The following LINGO1 variants were observed in gnomAD, a reference collection of about 807,000 sequenced individuals.
The protein encoded by LINGO1 is leucine rich repeat and Ig domain containing 1.
A neutral mutation model predicts 37.3 loss-of-function variants in LINGO1; 11 were observed. The ratio of observed to expected loss-of-function variants is 0.29; its 90% CI spans 0.19 to 0.49. The LOEUF (loss-of-function observed/expected upper bound fraction) is 0.49. Among genes scored for constraint, LINGO1 ranks in the 20% least tolerant of loss-of-function variants. The pLI is 0.99. For missense variants in LINGO1, 585 were observed against 878.2 expected, an observed-to-expected ratio of 0.67 and a Z score of 4.22; for synonymous variants, 387 against 403.0, an observed-to-expected ratio of 0.96 and a Z score of 0.48.
chr15:77,754,474 A>G (rs1292667250), intron 1 of LINGO1, among the ~76,000 whole-genome samples: 1 of 152,228 alleles, frequency 6.6e-6, no homozygotes, highest in Admixed American at 6.5e-5. Flanking sequence ...TCTGATTTGC[A>G]TGTATTGAGC....
intron 3 of LINGO1, among the ~76,000 whole-genome samples, chr15:77,649,499 A>T (rs2074711031): frequency 6.6e-6 from 1 of 152,218 alleles, no homozygotes; most frequent in Admixed American, 6.5e-5. Flanking sequence ...CAGCAAGGTC[A>T]TTTCCACCAG....
intron 2 of LINGO1, among the ~76,000 whole-genome samples, chr15:77,731,337 G>A (rs1037176725): frequency 1.3e-5 from 2 of 152,154 alleles, no homozygotes; most frequent in African/African-American, 2.4e-5. Context: ...GCACACAAAT[G>A]CACATGCACA....
chr15:77,652,530 G>GTGTGTGTGTGTGTGTGTGTT (rs1461851046), intron 3 of LINGO1, among the ~76,000 whole-genome samples: 37 of 144,872 alleles, frequency 2.6e-4, no homozygotes, highest in African/African-American at 9.7e-4. Context: ...GTGTGTGTGT[G>GTGTGTGTGTGTGTGTGTGTT]TTGCCAGAAT....
At chr15:77,721,125 T>C (rs2076045598) in intron 2 of LINGO1, among the ~76,000 whole-genome samples, 1 of 152,146 alleles carries the variant, frequency 6.6e-6, no homozygotes. Flanking sequence ...CGTTTCCTCC[T>C]GTGACAGCCA....
At position 77,734,089 on chromosome 15, in the gene LINGO1, C is replaced by T. The variant is rs965072175; in HGVS notation, c.-195+903G>A. ...ATCTCAGTTAACCCCTGCCCTGGGC[C>T]GTGCGGCAAGTTAGGCCAGGGCAGG... On this transcript the variant is annotated intron_variant, in intron 2 of 3. Coordinates refer to the LINGO1 transcript ENST00000561686. 3.3e-5 allele frequency among the ~76,000 whole-genome samples: 5 copies of T among 152,166 alleles called. No homozygotes were observed. In the East Asian group the frequency reaches 9.6e-4, roughly 29 times the overall value.
chr15:77,627,354 C>T (rs2074126121), intron 1 of LINGO1, among the ~76,000 whole-genome samples: 2 of 152,114 alleles, frequency 1.3e-5, no homozygotes, highest in Non-Finnish European at 2.9e-5. Context: ...TCCAAATTAG[C>T]CTGCCAGCAC....
In LINGO1 at chr15:77,614,401, C is replaced by A. The variant is rs374539140; in HGVS notation, c.1506G>T (p.Ala502=). ...NGTYLCIAAN[A]GGNDSMPAHL... The stretch of plus-strand genomic sequence containing the variant: ...GGGCGGGCATGGAGTCGTTGCCGCC[C>A]GCGTTGGCCGCGATGCACAGGTACG... The change falls in exon 2 of 2, where the codon GCG becomes GCT. Residue 502 remains alanine, a synonymous_variant. Transcript: ENST00000355300. 1 of 1,613,046 alleles carries A rather than the reference C, an allele frequency of 6.2e-7. No homozygotes were observed. The highest frequency in any genetic ancestry group is 8.5e-7 in the Non-Finnish European group (1 of 1,179,792).
At chr15:77,680,871 G>A (rs917699740) in intron 2 of LINGO1, among the ~76,000 whole-genome samples, 1 of 152,188 alleles carries the variant, frequency 6.6e-6, no homozygotes, top group Non-Finnish European at 1.5e-5. Context: ...ACTTACTGGT[G>A]TTTTACTTTG....
intron 3 of LINGO1, among the ~76,000 whole-genome samples, chr15:77,672,303 A>C (rs1190454152): frequency 2.0e-5 from 3 of 149,204 alleles, no homozygotes; most frequent in Non-Finnish European, 3.0e-5. Flanking sequence ...TTCCCAACCC[A>C]GATACACATC....
chr15:77,625,250 G>A (rs2074053152), intron 1 of LINGO1, among the ~76,000 whole-genome samples: 1 of 152,226 alleles, frequency 6.6e-6, no homozygotes, highest in African/African-American at 2.4e-5. Context: ...ATTAGCCAGA[G>A]AGCTAAATAG....
At chr15:77,663,236 T>C (rs1008280863) in intron 3 of LINGO1, among the ~76,000 whole-genome samples, 114 of 152,342 alleles carry the variant, frequency 7.5e-4, no homozygotes, top group Non-Finnish European at 3.7e-4. Flanking sequence ...TAGAACTGTG[T>C]GCGGTGCGAG....
chr15:77,640,489 T>C (rs1439514208), intron 3 of LINGO1, among the ~76,000 whole-genome samples: 2 of 152,166 alleles, frequency 1.3e-5, no homozygotes, highest in Non-Finnish European at 2.9e-5. Context: ...TAAGCCTCAA[T>C]CACACCCTGT....
intron 1 of LINGO1, among the ~76,000 whole-genome samples, chr15:77,694,397 T>C (rs2075655329): frequency 1.3e-5 from 2 of 152,060 alleles, no homozygotes; most frequent in African/African-American, 4.8e-5. Flanking sequence ...CACATCAGCC[T>C]CAGATTCTCC....
At chr15:77,774,443 C>T (rs1349040142) in intron 1 of LINGO1, among the ~76,000 whole-genome samples, 1 of 152,148 alleles carries the variant, frequency 6.6e-6, no homozygotes, top group Non-Finnish European at 1.5e-5. Flanking sequence ...CCAGACACCA[C>T]AAGCAGCGGG....
chr15:77,714,589 C>T (rs1346522138), intron 2 of LINGO1, among the ~76,000 whole-genome samples: 2 of 152,226 alleles, frequency 1.3e-5, no homozygotes, highest in African/African-American at 4.8e-5. Flanking sequence ...CCCTATTCAT[C>T]CCATCACTGC....
Position 77,694,341 on chromosome 15 carries a change from G to A in LINGO1, c.-281+2050C>T, listed in dbSNP as rs559594318. 3.7e-4 allele frequency among the ~76,000 whole-genome samples: 57 copies of A among 152,260 alleles called. 1 individual carries two copies. The highest frequency in any genetic ancestry group is 1.3e-3 in the African/African-American group (55 of 41,530). On this transcript the variant is annotated intron_variant, in intron 1 of 3. Transcript: ENST00000559893. ...ATGATCAGCCCAGTCTAACAGATGA[G>A]GAAACAGGCCCAGAGAGGGAGTGGG...
At chr15:77,635,612 C>T (rs1219161285), upstream of LINGO1, among the ~76,000 whole-genome samples, 2 of 145,798 alleles carry the variant, frequency 1.4e-5, no homozygotes, top group South Asian at 2.1e-4. Flanking sequence ...GAATGTTCCC[C>T]GCACCCCAGG....
rs531663198 is a variant in LINGO1, at chr15:77,781,207, T to C, written c.-257+5662A>G. On this transcript the variant is annotated intron_variant, in intron 1 of 3. Transcript: ENST00000561686. ...AAGTCCAGCCGGTTCCCTGAAGGCA[T>C]GGGTAGGGGGCTGGAATTTCTGGCT... is the stretch of plus-strand genomic sequence containing the variant. Among the ~76,000 whole-genome samples, 661 of 152,310 alleles carry C rather than the reference T, an allele frequency of 4.3e-3. 3 individuals are homozygous for C. Among genetic ancestry groups the C allele is most frequent in the Middle Eastern group, 0.017 (5 of 294 alleles).
At chr15:77,809,369 C>T (rs376524753) in intron 1 of LINGO1, among the ~76,000 whole-genome samples, 3 of 152,326 alleles carry the variant, frequency 2.0e-5, no homozygotes, top group African/African-American at 7.2e-5. Flanking sequence ...CAAATCTCAC[C>T]CCCACCCCTA....
Sources: allele counts gnomAD v4.1 joint callset (sites outside exome capture counted in the v4.1 genomes callset), GRCh38; gene constraint gnomAD v4.1.1; transcripts MANE v1.5; gene names NCBI Gene and HGNC (gene_info 2026-07-23, HGNC 2026-07-21).